The following CHUK variants were observed in gnomAD, a reference collection of about 807,000 sequenced individuals.
CHUK encodes the protein component of inhibitor of nuclear factor kappa B kinase complex.
Under a neutral mutation model 104.8 loss-of-function variants are expected in CHUK, and 35 were observed. The observed-to-expected ratio is 0.33, with a 90% CI of 0.26 to 0.44. CHUK has a LOEUF of 0.44. CHUK is among the 20% of genes least tolerant of loss of function. CHUK has a pLI of 1.00. For missense variants in CHUK, 663 were observed against 902.7 expected, an observed-to-expected ratio of 0.73 and a Z score of 3.40; for synonymous variants, 276 against 291.9, an observed-to-expected ratio of 0.95 and a Z score of 0.56.
intron 2 of CHUK, among the ~76,000 whole-genome samples, chr10:100,223,614 AAAAAAAAG>A (rs1003210971): frequency 6.6e-6 from 1 of 151,870 alleles, no homozygotes; most frequent in Admixed American, 6.6e-5. Flanking sequence ...CTCTTTTAAA[AAAAAAAAG>A]AAAAAAAGAA....
At chr10:100,193,260 T>C in intron 19 of CHUK, 38 bp downstream of exon 19, 8 of 1,611,404 alleles carry the variant, frequency 5.0e-6, no homozygotes, top group Non-Finnish European at 6.8e-6. Flanking sequence ...ACCACTGCTA[T>C]GAAAACACAG....
intron 16 of CHUK, among the ~76,000 whole-genome samples, chr10:100,199,172 G>C (rs1385735150): frequency 6.6e-6 from 1 of 152,130 alleles, no homozygotes; most frequent in East Asian, 1.9e-4. Context: ...TGTTCAACTG[G>C]AATTATTTTG....
At chr10:100,223,614 A>AAAAAAAAG (rs1003210971) in intron 2 of CHUK, among the ~76,000 whole-genome samples, 3 of 151,870 alleles carry the variant, frequency 2.0e-5, no homozygotes, top group Non-Finnish European at 4.4e-5. Context: ...CTCTTTTAAA[A>AAAAAAAAG]AAAAAAAGAA....
chr10:100,210,947 C>A (rs1292200906), intron 9 of CHUK, among the ~76,000 whole-genome samples: 1 of 152,198 alleles, frequency 6.6e-6, no homozygotes, highest in African/African-American at 2.4e-5. Context: ...TCTCTTCCTT[C>A]CAGTATCCTT....
chr10:100,194,082 C>T lies in CHUK; in HGVS notation c.1876G>A (p.Glu626Lys). The T allele has an allele frequency of 6.2e-7, 1 of 1,613,760 alleles. No homozygotes were observed. Among genetic ancestry groups the T allele is most frequent in the Non-Finnish European group, 8.5e-7 (1 of 1,179,800 alleles). The change falls in exon 18 of 21, where the codon GAA becomes AAA. Residue 626 changes from glutamate to lysine, a missense_variant. Coordinates refer to ENST00000370397, the MANE Select transcript of CHUK (RefSeq NM_001278.5). ...QKIIDLLPKV[E>K]VALSNIKEAD... is the part of the protein sequence containing the mutation. ...TCTTTGATATTACTGAGGGCCACTT[C>T]CACCTTAGGGAGTAGATCAATAATC...
chr10:100,199,884 A>T, intron 16 of CHUK, 87 bp downstream of exon 16: 1 of 986,370 alleles, frequency 1.0e-6, no homozygotes, highest in Non-Finnish European at 1.6e-6. Context: ...GAAAATTTTT[A>T]ACTTAAAAAT....
chr10:100,218,563 CAAT>C (rs993614526), intron 8 of CHUK, among the ~76,000 whole-genome samples, 152 bp downstream of exon 8: 1 of 152,154 alleles, frequency 6.6e-6, no homozygotes, highest in African/African-American at 2.4e-5. Context: ...GTCAAGTAGT[CAAT>C]AACCTCATGT....
intron 17 of CHUK, 35 bp downstream of exon 17, chr10:100,194,390 T>C: frequency 7.0e-7 from 1 of 1,418,784 alleles, no homozygotes; most frequent in Non-Finnish European, 1.0e-6. Context: ...AAACGTATCC[T>C]GGTTTTTCAG....
Position 100,204,521 on chromosome 10 carries a change from T to C in CHUK, c.1492A>G (p.Met498Val), listed in dbSNP as rs761833675. The C allele has an allele frequency of 6.2e-7, 1 of 1,613,672 alleles. No homozygotes were observed. The highest frequency in any genetic ancestry group is 8.5e-7 in the Non-Finnish European group (1 of 1,179,700). ...AGACACTTACATATCCCATACGTCA[T>C]CTGCTCGCTGTATCTCTCCAAGTCA... ...QLDLERYSEQ[M>V]TYGISSEKML... The change falls in exon 13 of 21, where the codon ATG (methionine) becomes GTG (valine). Residue 498 changes from methionine to valine, a missense_variant. By Grantham distance (21) the Met-to-Val change is conservative. Coordinates refer to ENST00000370397, the MANE Select transcript of CHUK (RefSeq NM_001278.5).
intron 1 of CHUK, among the ~76,000 whole-genome samples, chr10:100,228,683 A>C (rs919625420): frequency 6.6e-6 from 1 of 152,010 alleles, no homozygotes; most frequent in Non-Finnish European, 1.5e-5. Flanking sequence ...ACAAGACCCA[A>C]ATATGATTTT....
At chr10:100,190,268 G>GAGAAAC (rs1333674340) in intron 20 of CHUK, 1 of 157,832 alleles carries the variant, frequency 6.3e-6, no homozygotes, top group African/African-American at 2.4e-5. Context: ...CAATCCACCT[G>GAGAAAC]CCTTGGCCTC....
intron 9 of CHUK, among the ~76,000 whole-genome samples, chr10:100,213,425 G>A (rs905972885): frequency 6.6e-6 from 1 of 151,648 alleles, no homozygotes; most frequent in African/African-American, 2.4e-5. Context: ...GGTGAAAGTT[G>A]CAGTGAGTGG....
intron 9 of CHUK, among the ~76,000 whole-genome samples, chr10:100,213,197 T>C (rs370792040): frequency 1.3e-5 from 2 of 149,128 alleles, no homozygotes. Flanking sequence ...TTTAAAAAAT[T>C]AGGCTGGGCG....
chr10:100,193,563 A>G, intron 18 of CHUK, 132 bp from the exon 19 acceptor site: 3 of 1,075,328 alleles, frequency 2.8e-6, no homozygotes, highest in Non-Finnish European at 4.2e-6. Flanking sequence ...TTTCAGTACA[A>G]AACTATTCCC....
At chr10:100,224,026 G>A (rs1846047578) in intron 2 of CHUK, among the ~76,000 whole-genome samples, 1 of 152,148 alleles carries the variant, frequency 6.6e-6, no homozygotes, top group Non-Finnish European at 1.5e-5. Context: ...AAAGGATGGA[G>A]TCTCACTTCC....
chr10:100,222,816 T>C, intron 3 of CHUK, 50 bp downstream of exon 3: 1 of 885,938 alleles, frequency 1.1e-6, no homozygotes, highest in Non-Finnish European at 1.9e-6. Context: ...GATTCAAACA[T>C]TGCTAAAGTT....
chr10:100,209,957 T>C (rs1589589076), intron 9 of CHUK, among the ~76,000 whole-genome samples, 168 bp from the exon 10 acceptor site: 1 of 152,180 alleles, frequency 6.6e-6, no homozygotes, highest in Non-Finnish European at 1.5e-5. Flanking sequence ...AATGACATTC[T>C]GAAAACTGAA....
chr10:100,190,522 C>A, intron 20 of CHUK: 1 of 300,070 alleles, frequency 3.3e-6, no homozygotes, highest in East Asian at 7.9e-5. Context: ...GGTACCATAT[C>A]TGAATTAAAG....
chr10:100,207,424 A>G, intron 10 of CHUK, 92 bp from the exon 11 acceptor site: 1 of 704,886 alleles, frequency 1.4e-6, no homozygotes, highest in Non-Finnish European at 2.6e-6. Flanking sequence ...TCCTACTTTG[A>G]AATGCAAATG....
Sources: gnomAD v4.1 joint callset for allele counts (sites outside exome capture counted in the v4.1 genomes callset) on GRCh38, gnomAD v4.1.1 for gene constraint, MANE v1.5 for transcripts, NCBI Gene and HGNC (gene_info 2026-07-23, HGNC 2026-07-21) for gene names.